RAB3GAP1: variants seen among roughly 807,000 people sequenced by gnomAD.
RAB3GAP1 encodes the protein RAB3 GTPase activating protein catalytic subunit 1, also known as rab3 GTPase-activating protein catalytic subunit.
In RAB3GAP1, 86 loss-of-function variants were observed where a neutral mutation model predicts 130.7. The observed-to-expected ratio is 0.66, with a 90% CI of 0.55 to 0.79. The LOEUF (loss-of-function observed/expected upper bound fraction) is 0.79. Among genes scored for constraint, RAB3GAP1 ranks in the 30% least tolerant of loss-of-function variants. The pLI is 0.00. For missense variants in RAB3GAP1, 1,029 were observed against 1,169.4 expected (o/e 0.88, Z 1.75); for synonymous variants, 367 against 401.7 (o/e 0.91, Z 1.03).
intron 3 of RAB3GAP1, among the ~76,000 whole-genome samples, chr2:135,069,717 AT>A (rs1334831034): frequency 2.6e-5 from 4 of 151,714 alleles, no homozygotes; most frequent in Non-Finnish European, 4.4e-5. Flanking sequence ...TCATTTATTT[AT>A]TTGTAGAGAG....
At chr2:135,172,070 T>C (rs1692869265), downstream of RAB3GAP1, among the ~76,000 whole-genome samples, 1 of 152,148 alleles carries the variant, frequency 6.6e-6, no homozygotes, top group Admixed American at 6.5e-5. Flanking sequence ...TGAGATTTGT[T>C]TTCTTGATTA....
intron 17 of RAB3GAP1, among the ~76,000 whole-genome samples, chr2:135,144,735 ATTTGTGT>A (rs1691948079): frequency 6.6e-6 from 1 of 152,180 alleles, no homozygotes; most frequent in African/African-American, 2.4e-5. Context: ...TCCATTTGCC[ATTTGTGT>A]TTTGTGTTTC....
rs993124028 is a variant in RAB3GAP1, at chr2:135,063,259, CAT to C, written c.150+5177_150+5178del. The stretch of plus-strand genomic sequence containing the variant: ...CTTATTTAGCATCTATTGAGATAAT[CAT>C]ATAGTTTTTCTTTTTTATTTTCTGA... On this transcript the variant is annotated intron_variant, in intron 3 of 23. Transcript: ENST00000264158. Among the ~76,000 whole-genome samples the C allele has an allele frequency of 5.9e-4, 89 of 152,014 alleles. 1 individual carries two copies. The highest frequency in any genetic ancestry group is 1.6e-4 in the Non-Finnish European group (11 of 67,982).
chr2:135,106,152 G>A (rs1024693120), intron 5 of RAB3GAP1, among the ~76,000 whole-genome samples: 2 of 150,706 alleles, frequency 1.3e-5, no homozygotes, highest in South Asian at 2.1e-4. Context: ...GGGTGCCTCC[G>A]TCCGGCCGCC....
Position 135,170,001 on chromosome 2 carries a change from A to G in RAB3GAP1, c.*1220A>G, listed in dbSNP as rs1692803124. The G allele has an allele frequency of 3.7e-6, 1 of 268,898 alleles. No individual in the cohort carries two copies. Among genetic ancestry groups the G allele is most frequent in the Admixed American group, 4.8e-5 (1 of 20,882 alleles). 16.7% of individuals were successfully genotyped at this position (268,898 alleles called of 1,614,324 possible). A position where few individuals can be genotyped will look rare whatever the true frequency, so the allele number is the denominator to read the frequency against. On this transcript the variant is annotated 3_prime_UTR_variant, in exon 24 of 24. Coordinates refer to ENST00000264158, the MANE Select transcript of RAB3GAP1 (RefSeq NM_012233.3). ...AAAAAAAAAAAAAATACATATCTAT[A>G]TATAATATGTGTGTGTGTGTGACAT...
At chr2:135,081,361 T>TGTATATAC in intron 3 of RAB3GAP1, among the ~76,000 whole-genome samples, 1 of 71,260 alleles carries the variant, frequency 1.4e-5, no homozygotes, top group Admixed American at 2.1e-4. Context: ...TATATATATA[T>TGTATATAC]ACACACACGT....
chr2:135,090,426 A>G (rs1252649772), intron 3 of RAB3GAP1, among the ~76,000 whole-genome samples: 1 of 152,106 alleles, frequency 6.6e-6, no homozygotes, highest in Non-Finnish European at 1.5e-5. Flanking sequence ...TCTCCATTGG[A>G]AAAAATAGCT....
At chr2:135,090,804 T>A (rs904684381) in intron 3 of RAB3GAP1, among the ~76,000 whole-genome samples, 194 bp from the exon 4 acceptor site, 1 of 152,162 alleles carries the variant, frequency 6.6e-6, no homozygotes, top group African/African-American at 2.4e-5. Context: ...CTAGGAGAAA[T>A]TTCTTTTTAA....
At chr2:135,149,878 C>CAT (rs1210321392) in intron 17 of RAB3GAP1, among the ~76,000 whole-genome samples, 26 of 152,088 alleles carry the variant, frequency 1.7e-4, no homozygotes, top group South Asian at 2.1e-4. Flanking sequence ...AGGATGGTCT[C>CAT]GATCTCCTGA....
rs6705610 is a variant in RAB3GAP1 at position 135,167,432 on chromosome 2, T to G, written c.2710-1113T>G. 0.31 allele frequency among the ~76,000 whole-genome samples: 46,891 copies of G among 151,580 alleles called. 10,971 individuals are homozygous for G. The highest frequency in any genetic ancestry group is 0.64 in the African/African-American group (26,411 of 41,106). On this transcript the variant is annotated intron_variant, in intron 23 of 23. Transcript: ENST00000264158. ...CAGTAAAAGAGCTAGGTTTTTGTTG[T>G]TCATTTCTCCCATTAAATGACATCA...
intron 17 of RAB3GAP1, among the ~76,000 whole-genome samples, chr2:135,147,197 T>G (rs1692024612): frequency 6.6e-6 from 1 of 151,738 alleles, no homozygotes; most frequent in Admixed American, 6.6e-5. Context: ...AATACAAAAA[T>G]TAGCTGGGCA....
At chr2:135,115,101 T>C (rs1269027383) in intron 6 of RAB3GAP1, 115 bp from the exon 7 acceptor site, 2 of 977,358 alleles carry the variant, frequency 2.0e-6, no homozygotes, top group East Asian at 5.0e-5. Flanking sequence ...TTTTGTTGTG[T>C]TTCCAGTTTA....
intron 3 of RAB3GAP1, among the ~76,000 whole-genome samples, chr2:135,067,888 G>A (rs1689365459): frequency 6.6e-6 from 1 of 152,092 alleles, no homozygotes; most frequent in Non-Finnish European, 1.5e-5. Context: ...ATGCCACCAT[G>A]CCCAGCTAAT....
intron 18 of RAB3GAP1, 103 bp downstream of exon 18, chr2:135,150,609 G>T: frequency 6.8e-7 from 1 of 1,460,878 alleles, no homozygotes; most frequent in East Asian, 2.3e-5. Flanking sequence ...ATGTCTTTTT[G>T]TTAAGTGTTT....
rs1446493923 is a variant in RAB3GAP1, at chr2:135,170,443, A to T, written c.*1662A>T. On this transcript the variant is annotated 3_prime_UTR_variant, in exon 24 of 24. Transcript: ENST00000264158. The stretch of plus-strand genomic sequence containing the variant: ...GTGCCTTTTTAAAGTACTCCATTTT[A>T]TTTTTATGATAGTTATGTATTTATT... The T allele has an allele frequency of 1.3e-5, 2 of 152,262 alleles. No individual in the cohort carries two copies. Among genetic ancestry groups the T allele is most frequent in the African/African-American group, 4.8e-5 (2 of 41,556 alleles). 9.4% of individuals were successfully genotyped at this position (152,262 alleles called of 1,614,324 possible).
intron 7 of RAB3GAP1, among the ~76,000 whole-genome samples, chr2:135,115,942 G>A (rs1362221675): frequency 6.6e-6 from 1 of 152,180 alleles, no homozygotes; most frequent in Non-Finnish European, 1.5e-5. Flanking sequence ...GTGCTGCTCT[G>A]TGGGGTTGGG....
At chr2:135,117,809 T>TTCTTCTTTC (rs1553445371) in intron 7 of RAB3GAP1, among the ~76,000 whole-genome samples, 1 of 110,324 alleles carries the variant, frequency 9.1e-6, no homozygotes. Context: ...CTTCTTCTTC[T>TTCTTCTTTC]TTCTTCTTCT....
intron 5 of RAB3GAP1, among the ~76,000 whole-genome samples, chr2:135,108,583 A>G (rs1343826291): frequency 1.3e-5 from 2 of 151,140 alleles, no homozygotes; most frequent in African/African-American, 4.9e-5. Flanking sequence ...TAGATTCTAG[A>G]TAACAGTCCT....
chr2:135,112,776 A>G (rs1189373078), intron 5 of RAB3GAP1, among the ~76,000 whole-genome samples: 2 of 152,104 alleles, frequency 1.3e-5, no homozygotes, highest in African/African-American at 4.8e-5. Context: ...TATACAACAT[A>G]AAGTAGGCAA....
Sources: gnomAD v4.1 joint callset for allele counts (sites outside exome capture counted in the v4.1 genomes callset) on GRCh38, gnomAD v4.1.1 for gene constraint, MANE v1.5 for transcripts, NCBI Gene and HGNC (gene_info 2026-07-23, HGNC 2026-07-21) for gene names.